The following MTDH variants were observed in gnomAD, a reference collection of about 807,000 sequenced individuals.
MTDH encodes the protein metadherin.
In MTDH, 34 loss-of-function variants were observed where a neutral mutation model predicts 72.7. The observed-to-expected ratio is 0.47, with a 90% CI of 0.36 to 0.62. The LOEUF (loss-of-function observed/expected upper bound fraction) is 0.62. MTDH is among the 20% of genes least tolerant of loss of function. The pLI is 0.00. For synonymous variants in MTDH, 266 were observed against 268.9 expected, an observed-to-expected ratio of 0.99 and a Z score of 0.10; for missense variants, 677 against 699.4, an observed-to-expected ratio of 0.97 and a Z score of 0.36.
chr8:97,645,354 G>A (rs549205296), intron 1 of MTDH, among the ~76,000 whole-genome samples: 2 of 152,202 alleles, frequency 1.3e-5, no homozygotes, highest in Admixed American at 6.5e-5. Context: ...CGGTGACCTA[G>A]AAATTCTGGG....
rs1183708146 is a variant in MTDH, at chr8:97,686,583, TCATA to T, written c.484-81_484-78del. 7 of 725,434 alleles carry T rather than the reference TCATA, an allele frequency of 9.6e-6. No individual in the cohort carries two copies. In the Admixed American group the frequency reaches 1.2e-4, roughly 12 times the overall value. The allele number at this position is 725,434 out of a possible 1,614,324, so 44.9% of individuals were successfully genotyped here. On this transcript the variant is annotated intron_variant, in intron 2 of 11. Transcript: ENST00000336273. ...ATTAATTTTTTTTTAGTTGTCAGCA[TCATA>T]CATTTCATTATGTATTTTACTGACT...
intron 10 of MTDH, among the ~76,000 whole-genome samples, chr8:97,720,914 A>G (rs1215398617): frequency 6.6e-6 from 1 of 151,768 alleles, no homozygotes; most frequent in Non-Finnish European, 1.5e-5. Flanking sequence ...TCAGCCTCCC[A>G]AAGTACTGGG....
At chr8:97,655,332 A>C (rs1253975592) in intron 1 of MTDH, among the ~76,000 whole-genome samples, 1 of 152,188 alleles carries the variant, frequency 6.6e-6, no homozygotes. Context: ...AGGTGTTAAG[A>C]GTTCTGCATA....
chr8:97,665,198 C>G (rs1357515472), intron 2 of MTDH, among the ~76,000 whole-genome samples: 2 of 152,080 alleles, frequency 1.3e-5, no homozygotes, highest in East Asian at 3.8e-4. Context: ...AATTGTACTC[C>G]TAAGCTGTGA....
At chr8:97,719,268 G>T in intron 10 of MTDH, 79 bp downstream of exon 10, 1 of 1,473,890 alleles carries the variant, frequency 6.8e-7, no homozygotes, top group South Asian at 1.3e-5. Context: ...GCCAAGGTGG[G>T]CAGGTCATGA....
At chr8:97,702,410 G>A (rs1814169117) in intron 7 of MTDH, among the ~76,000 whole-genome samples, 1 of 152,078 alleles carries the variant, frequency 6.6e-6, no homozygotes, top group African/African-American at 2.4e-5. Context: ...TTCCTTCTCT[G>A]TAAAAATAAC....
intron 2 of MTDH, among the ~76,000 whole-genome samples, chr8:97,672,882 G>A (rs1476100337): frequency 6.6e-6 from 1 of 152,182 alleles, no homozygotes; most frequent in Non-Finnish European, 1.5e-5. Flanking sequence ...CATGTTGCTT[G>A]TGCCGTGTGC....
intron 2 of MTDH, among the ~76,000 whole-genome samples, chr8:97,681,407 G>T (rs533747383): frequency 2.8e-5 from 4 of 144,738 alleles, no homozygotes; most frequent in East Asian, 2.0e-4. Context: ...ATCTGCAGCG[G>T]TTTTTTTTTT....
intron 9 of MTDH, among the ~76,000 whole-genome samples, chr8:97,718,049 C>G (rs549535772): frequency 2.8e-4 from 40 of 145,076 alleles, no homozygotes; most frequent in South Asian, 4.4e-4. Flanking sequence ...AGCACCCGGC[C>G]TAATTTTTGT....
intron 10 of MTDH, among the ~76,000 whole-genome samples, chr8:97,720,718 A>G (rs1269857296): frequency 6.7e-6 from 1 of 150,124 alleles, no homozygotes; most frequent in African/African-American, 2.5e-5. Flanking sequence ...GCAATCCGCA[A>G]TCTCGGCTCG....
intron 8 of MTDH, among the ~76,000 whole-genome samples, chr8:97,708,469 A>T (rs1224191035): frequency 8.6e-6 from 1 of 116,054 alleles, no homozygotes; most frequent in Non-Finnish European, 1.7e-5. Flanking sequence ...TTTAGTAGAG[A>T]CGGGTTTTTG....
intron 7 of MTDH, among the ~76,000 whole-genome samples, chr8:97,701,104 G>A (rs1447906787): frequency 6.6e-6 from 1 of 152,106 alleles, no homozygotes; most frequent in Non-Finnish European, 1.5e-5. Context: ...CACTTGTCTG[G>A]GAGCTGTAAA....
At chr8:97,649,849 C>T (rs1811700358) in intron 1 of MTDH, among the ~76,000 whole-genome samples, 2 of 152,226 alleles carry the variant, frequency 1.3e-5, no homozygotes, top group African/African-American at 4.8e-5. Flanking sequence ...GGCAGTCCAC[C>T]TGCCTCAGCC....
At chr8:97,673,831 C>T (rs927946133) in intron 2 of MTDH, among the ~76,000 whole-genome samples, 2 of 148,636 alleles carry the variant, frequency 1.3e-5, no homozygotes, top group Non-Finnish European at 3.0e-5. Flanking sequence ...AAAAATTAGC[C>T]AGGCATGGTG....
At chr8:97,713,576 A>G (rs1814722871) in intron 8 of MTDH, 86 bp from the exon 9 acceptor site, 3 of 730,614 alleles carry the variant, frequency 4.1e-6, no homozygotes, top group Non-Finnish European at 6.7e-6. Context: ...ACTGTACCTA[A>G]TGAATGAAAT....
chr8:97,665,082 T>A (rs1179529785), intron 2 of MTDH, among the ~76,000 whole-genome samples: 5 of 152,126 alleles, frequency 3.3e-5, no homozygotes, highest in African/African-American at 1.2e-4. Context: ...TATAAAGAAA[T>A]ACATCTTTGA....
intron 9 of MTDH, among the ~76,000 whole-genome samples, chr8:97,718,463 C>T (rs1210222765): frequency 1.3e-5 from 2 of 151,328 alleles, no homozygotes; most frequent in Non-Finnish European, 2.9e-5. Context: ...CATTTTATTC[C>T]TTGAAGTTGT....
rs114216863 is a variant in MTDH, at chr8:97,726,015, C to T, written c.*1345C>T. 3.2e-3 allele frequency: 489 copies of T among 152,744 alleles called. 4 individuals are homozygous for T. Among genetic ancestry groups the T allele is most frequent in the African/African-American group, 0.011 (475 of 41,560 alleles). 9.5% of individuals were successfully genotyped at this position (152,744 alleles called of 1,614,324 possible). A position where few individuals can be genotyped will look rare whatever the true frequency, so the allele number is the denominator to read the frequency against. ...GCTTGTTTTTATGTGGCGCCAAGAA[C>T]GAACCTGTTTAACAGCTGTAACCAA... is the stretch of plus-strand genomic sequence containing the variant. On this transcript the variant is annotated 3_prime_UTR_variant, in exon 12 of 12. Coordinates refer to ENST00000336273, the MANE Select transcript of MTDH (RefSeq NM_178812.4).
chr8:97,683,488 C>T (rs1314415435), intron 2 of MTDH, among the ~76,000 whole-genome samples: 1 of 152,014 alleles, frequency 6.6e-6, no homozygotes, highest in Non-Finnish European at 1.5e-5. Context: ...CTCAACCTCC[C>T]AGGCTTGAGT....
Sources: allele counts gnomAD v4.1 joint callset (sites outside exome capture counted in the v4.1 genomes callset), GRCh38; gene constraint gnomAD v4.1.1; transcripts MANE v1.5; gene names NCBI Gene and HGNC (gene_info 2026-07-23, HGNC 2026-07-21).